UGT1A6: variants seen among roughly 807,000 people sequenced by gnomAD.
UGT1A6 encodes UDP glucuronosyltransferase family 1 member A6, also known as UDP-glucuronosyltransferase 1A6.
A neutral mutation model predicts 44.4 loss-of-function variants in UGT1A6; 32 were observed. The observed-to-expected ratio is 0.72, with a 90% CI of 0.54 to 0.97. The LOEUF (loss-of-function observed/expected upper bound fraction) is 0.97, where lower values mean the gene tolerates loss of function less well. Among genes scored for constraint, UGT1A6 ranks in the 50% least tolerant of loss-of-function variants. The probability of loss-of-function intolerance (pLI) is 0.00; values close to 1 mark genes in which losing one functional copy is unlikely to be tolerated. For synonymous variants in UGT1A6, 238 were observed against 248.5 expected (o/e 0.96, Z 0.40); for missense variants, 685 against 661.9 (o/e 1.03, Z -0.38).
intron 1 of UGT1A6, among the ~76,000 whole-genome samples, chr2:233,695,975 T>G (rs548807201): frequency 6.6e-6 from 1 of 152,328 alleles, no homozygotes; most frequent in South Asian, 2.1e-4. Context: ...AATTCAGTTC[T>G]GAAGATGTCC....
intron 1 of UGT1A6, among the ~76,000 whole-genome samples, chr2:233,703,382 A>G (rs1384920463): frequency 6.6e-6 from 1 of 151,458 alleles, no homozygotes; most frequent in Non-Finnish European, 1.5e-5. Flanking sequence ...TTTTGTCTAT[A>G]TTTTCAAATA....
intron 1 of UGT1A6, among the ~76,000 whole-genome samples, chr2:233,730,769 G>A (rs1017824034): frequency 2.0e-5 from 3 of 152,108 alleles, no homozygotes; most frequent in Non-Finnish European, 4.4e-5. Context: ...GAATCTATAA[G>A]CCCAGTGAAG....
At position 233,773,293 on chromosome 2, in the gene UGT1A6, A is replaced by C. The variant is rs1290134629; in HGVS notation, c.*734A>C. The C allele has an allele frequency of 1.3e-5, 2 of 152,208 alleles. No homozygotes were observed. Among genetic ancestry groups the C allele is most frequent in the African/African-American group, 4.8e-5 (2 of 41,466 alleles). The allele number at this position is 152,208 out of a possible 1,614,324, so 9.4% of individuals were successfully genotyped here. ...TAAAAATAAATTAATAAATTTATAT[A>C]AATTCTATTTAAGTGTTTTCACTGG... is the stretch of plus-strand genomic sequence containing the variant. On this transcript the variant is annotated 3_prime_UTR_variant, in exon 5 of 5. Transcript: ENST00000305139.
chr2:233,698,547 CA>C (rs2075447093), intron 1 of UGT1A6, among the ~76,000 whole-genome samples: 1 of 152,080 alleles, frequency 6.6e-6, no homozygotes, highest in Non-Finnish European at 1.5e-5. Context: ...CACGAGTGGC[CA>C]ACAAAACTTT....
chr2:233,693,657 A>T lies in UGT1A6; in HGVS notation c.653A>T (p.Glu218Val). The change falls in exon 1 of 5, where the codon GAG becomes GTG. Residue 218 changes from glutamate (E) to valine (V), a missense_variant. Glu to Val is a moderately radical substitution (Grantham distance 121). Transcript: ENST00000305139. ...GCCAACTTCCTTGTTAATTTGTTGG[A>T]GCCCTATCTATTTTATTGTCTGTTT... Reference protein sequence around the residue: ...RVANFLVNLLEPYLFYCLFSK... With the variant: ...RVANFLVNLLVPYLFYCLFSK... 6.2e-7 allele frequency: 1 copy of T among 1,614,170 alleles called. No homozygotes were observed. Among genetic ancestry groups the T allele is most frequent in the South Asian group, 1.1e-5 (1 of 91,076 alleles).
intron 1 of UGT1A6, among the ~76,000 whole-genome samples, chr2:233,742,305 A>G (rs1353036304): frequency 6.6e-6 from 1 of 152,010 alleles, no homozygotes; most frequent in African/African-American, 2.4e-5. Context: ...AGATTAACTA[A>G]AAGTATTCCT....
At position 233,716,059 on chromosome 2, in the gene UGT1A6, T is replaced by C. The variant is rs28898603; in HGVS notation, c.861+22194T>C. ...GCATTCTGATTCTGTCCATTCTTAG[T>C]TGTATTCTTTCCACTGAGTGTAAGC... On this transcript the variant is annotated intron_variant, in intron 1 of 4. Coordinates refer to ENST00000305139, the MANE Select transcript of UGT1A6 (RefSeq NM_001072.4). Among the ~76,000 whole-genome samples, 29 of 152,358 alleles carry C rather than the reference T, an allele frequency of 1.9e-4. No homozygotes were observed. In the East Asian group the frequency reaches 5.6e-3, roughly 29 times the overall value.
chr2:233,708,854 A>C (rs1025150055), intron 1 of UGT1A6, among the ~76,000 whole-genome samples: 1 of 147,850 alleles, frequency 6.8e-6, no homozygotes, highest in Non-Finnish European at 1.5e-5. Context: ...TTTCTTTTTT[A>C]ATCTCTTTTA....
chr2:233,769,790 G>A lies in UGT1A6; in HGVS notation c.1301+1351G>A. On this transcript the variant is annotated intron_variant, in intron 4 of 4. Transcript: ENST00000305139. The surrounding 1 kb of genome is among the most constrained non-coding windows in gnomAD (Gnocchi z 4.4). ...GGATTGCTTGAGCCCAGAAGTTGGA[G>A]GCTGCTATGAGCCGTGATCATGCCA... is the stretch of plus-strand genomic sequence containing the variant. 7.7e-7 allele frequency: 1 copy of A among 1,301,106 alleles called. No individual in the cohort carries two copies. Among genetic ancestry groups the A allele is most frequent in the Non-Finnish European group, 1.0e-6 (1 of 985,722 alleles). The allele number at this position is 1,301,106 out of a possible 1,614,324, so 80.6% of individuals were successfully genotyped here. A position where few individuals can be genotyped will look rare whatever the true frequency, so the allele number is the denominator to read the frequency against.
At chr2:233,743,465 CA>C (rs1314661599) in intron 1 of UGT1A6, 5 of 1,366,480 alleles carry the variant, frequency 3.7e-6, no homozygotes, top group Middle Eastern at 4.2e-4. Flanking sequence ...AAAACACCCC[CA>C]AAAGCTGGAA....
chr2:233,716,849 C>T (rs569937997), intron 1 of UGT1A6, among the ~76,000 whole-genome samples: 123 of 152,312 alleles, frequency 8.1e-4, no homozygotes, highest in Admixed American at 3.1e-3. Flanking sequence ...TCAGCTACCA[C>T]ATATGCTGAT....
At chr2:233,719,270 A>T (rs775879041) in intron 1 of UGT1A6, 1 of 1,614,088 alleles carries the variant, frequency 6.2e-7, no homozygotes, top group South Asian at 1.1e-5. Flanking sequence ...ATGTGGTTTT[A>T]ACAGACCCCG....
At chr2:233,768,166 A>G in intron 3 of UGT1A6, 54 bp from the exon 4 acceptor site, 2 of 1,613,684 alleles carry the variant, frequency 1.2e-6, no homozygotes, top group Non-Finnish European at 1.7e-6. Flanking sequence ...AGATGTGTCC[A>G]GCTGTGAAAC....
In UGT1A6 at chr2:233,755,078, G is replaced by C. The variant is rs756759474; in HGVS notation, c.862-11956G>C. On this transcript the variant is annotated intron_variant, in intron 1 of 4. Coordinates refer to ENST00000305139, the MANE Select transcript of UGT1A6 (RefSeq NM_001072.4). ...CCCTCGCCTCGCCATAGCGGTCATAGATATCGCGTTTCTACGCGTCCGACA... is the reference window on the plus strand; with the variant it reads ...CCCTCGCCTCGCCATAGCGGTCATACATATCGCGTTTCTACGCGTCCGACA... The C allele has an allele frequency of 6.7e-6, 9 of 1,336,426 alleles. No homozygotes were observed. In the East Asian group the frequency reaches 2.3e-4, roughly 34 times the overall value. The allele number at this position is 1,336,426 out of a possible 1,614,324, so 82.8% of individuals were successfully genotyped here.
At chr2:233,731,193 A>G (rs750244105) in intron 1 of UGT1A6, among the ~76,000 whole-genome samples, 7 of 152,062 alleles carry the variant, frequency 4.6e-5, no homozygotes, top group East Asian at 1.9e-4. Flanking sequence ...TAATTATTCA[A>G]TTATAAAATA....
rs1215128625 is a variant in UGT1A6, at chr2:233,769,761, G to A, written c.1301+1322G>A. ...TCCCAGCCACTCTGGAGGCTAAGGC[G>A]GGAGGATTGCTTGAGCCCAGAAGTT... is the stretch of plus-strand genomic sequence containing the variant. On this transcript the variant is annotated intron_variant, in intron 4 of 4. Transcript: ENST00000305139. This position sits in a 1 kb window ranked among gnomAD's most constrained non-coding sequence, Gnocchi z 4.4. The A allele has an allele frequency of 1.3e-5, 18 of 1,414,110 alleles. No homozygotes were observed. In the South Asian group the frequency reaches 1.6e-4, roughly 12 times the overall value. The allele number at this position is 1,414,110 out of a possible 1,614,324, so 87.6% of individuals were successfully genotyped here. A position where few individuals can be genotyped will look rare whatever the true frequency, so the allele number is the denominator to read the frequency against.
intron 1 of UGT1A6, among the ~76,000 whole-genome samples, chr2:233,746,724 T>G (rs1380174241): frequency 1.3e-5 from 2 of 151,818 alleles, no homozygotes; most frequent in Non-Finnish European, 2.9e-5. Flanking sequence ...GAATTAGCAA[T>G]GGATTCTGCT....
Position 233,769,905 on chromosome 2 carries a change from G to A in UGT1A6, c.1301+1466G>A. On this transcript the variant is annotated intron_variant, in intron 4 of 4. Coordinates refer to ENST00000305139, the MANE Select transcript of UGT1A6 (RefSeq NM_001072.4). The surrounding 1 kb of genome is among the most constrained non-coding windows in gnomAD (Gnocchi z 4.4). ...AGTCCACATAACCTGAGCATCATGTGCCCAGAGCGTTGGGTGGTGTGGTCC... is the reference window on the plus strand; with the variant it reads ...AGTCCACATAACCTGAGCATCATGTACCCAGAGCGTTGGGTGGTGTGGTCC... 1 of 322,682 alleles carries A rather than the reference G, an allele frequency of 3.1e-6. No individual in the cohort carries two copies. Among genetic ancestry groups the A allele is most frequent in the Admixed American group, 4.6e-5 (1 of 21,882 alleles). 20.0% of individuals were successfully genotyped at this position (322,682 alleles called of 1,614,324 possible).
At chr2:233,755,961 C>T (rs1443749544) in intron 1 of UGT1A6, 1 of 152,160 alleles carries the variant, frequency 6.6e-6, no homozygotes, top group Non-Finnish European at 1.5e-5. Flanking sequence ...TAGTACTTGG[C>T]TCTATAGAGA....
Sources: gnomAD v4.1 joint callset for allele counts (sites outside exome capture counted in the v4.1 genomes callset) on GRCh38, gnomAD v4.1.1 for gene constraint, Gnocchi (gnomAD v3.1) non-coding constraint, MANE v1.5 for transcripts, NCBI Gene and HGNC (gene_info 2026-07-23, HGNC 2026-07-21) for gene names.